Variants in ACTR1B observed in about 807,000 individuals in gnomAD.
The protein encoded by ACTR1B is actin related protein 1B.
ACTR1B carries 34 observed loss-of-function variants against 49.4 expected under a neutral mutation model. The observed-to-expected ratio is 0.69, with a 90% CI of 0.52 to 0.92. ACTR1B has a LOEUF of 0.92. Among genes scored for constraint, ACTR1B ranks in the 40% least tolerant of loss-of-function variants. The probability of loss-of-function intolerance (pLI) is 0.00; values close to 1 mark genes in which losing one functional copy is unlikely to be tolerated. For missense variants in ACTR1B, 471 were observed against 522.4 expected (o/e 0.90, Z 0.96); for synonymous variants, 207 against 207.8 (o/e 1.00, Z 0.03).
rs775868878 is a variant in ACTR1B at position 97,659,457 on chromosome 2, G to C, written c.210C>G (p.Thr70=). 6.2e-7 allele frequency: 1 copy of C among 1,613,844 alleles called. No homozygotes were observed. The highest frequency in any genetic ancestry group is 8.5e-7 in the Non-Finnish European group (1 of 1,179,970). Residue 70 remains threonine, a synonymous_variant, in exon 4 of 11, where the codon ACC becomes ACG. Transcript: ENST00000289228. The surrounding 1 kb of genome is among the most constrained non-coding windows in gnomAD (Gnocchi z 4.0). Reference sequence around the variant, plus strand: ...CGCCGTGCTCCATGGGGTAGCGGATGGTCAGCAGCCCCCGGTGCTCCTGGT... The same window carrying C: ...CGCCGTGCTCCATGGGGTAGCGGATCGTCAGCAGCCCCCGGTGCTCCTGGT... ...PKAEEHRGLL[T]IRYPMEHGVV... is the part of the protein sequence containing the mutation.
intron 1 of ACTR1B, among the ~76,000 whole-genome samples, chr2:97,663,421 A>G (rs1675081123): frequency 6.6e-6 from 1 of 152,232 alleles, no homozygotes; most frequent in Non-Finnish European, 1.5e-5. Context: ...AGATAAAGCC[A>G]GCAGTGTGCA....
chr2:97,661,501 G>A (rs1452892268), intron 2 of ACTR1B, among the ~76,000 whole-genome samples: 2 of 152,172 alleles, frequency 1.3e-5, no homozygotes, highest in East Asian at 1.9e-4. Context: ...AAACAAGCCC[G>A]GCAGAAAACA....
Position 97,661,934 on chromosome 2 carries a change from T to C in ACTR1B, c.61A>G (p.Ile21Val). 6.3e-7 allele frequency: 1 copy of C among 1,593,884 alleles called. No homozygotes were observed. The highest frequency in any genetic ancestry group is 8.6e-7 in the Non-Finnish European group (1 of 1,168,440). ...TGGTCTCCTGCAAAGCCAGCTTTAA[T>C]CACCCCCGAACCCTGCAAGGAAAAA... ...PVVIDNGSGV[I>V]KAGFAGDQIP... Residue 21 changes from isoleucine to valine, a missense_variant, in exon 2 of 11, where the codon ATT (isoleucine) becomes GTT (valine). Coordinates refer to ENST00000289228, the MANE Select transcript of ACTR1B (RefSeq NM_005735.4).
chr2:97,663,823 C>G lies in ACTR1B; in HGVS notation c.48+20G>C. The G allele has an allele frequency of 2.9e-6, 4 of 1,386,542 alleles. No individual in the cohort carries two copies. Among genetic ancestry groups the G allele is most frequent in the Non-Finnish European group, 3.8e-6 (4 of 1,053,412 alleles). The allele number at this position is 1,386,542 out of a possible 1,614,324, so 85.9% of individuals were successfully genotyped here. On this transcript the variant is annotated intron_variant, in intron 1 of 10. Transcript: ENST00000289228. ...CCCGGGGGCGGGGCGCCCGCCCTCC[C>G]CCTGGCTGCCGGGCCTCACGTTGTC...
chr2:97,659,515 T>A lies in ACTR1B; in HGVS notation c.190-38A>T. On this transcript the variant is annotated intron_variant, in intron 3 of 10. Coordinates refer to ENST00000289228, the MANE Select transcript of ACTR1B (RefSeq NM_005735.4). The surrounding 1 kb of genome is among the most constrained non-coding windows in gnomAD (Gnocchi z 4.0). ...GAAGGGAGGTGTGGCACCCGGCCCT[T>A]GCTCAGCGGCTGCTTTCCGCCCTCC... 1 of 1,609,110 alleles carries A rather than the reference T, an allele frequency of 6.2e-7. No homozygotes were observed. The highest frequency in any genetic ancestry group is 1.3e-5 in the African/African-American group (1 of 74,954).
rs757683513 is a variant in ACTR1B, at chr2:97,658,855, A to G, written c.440+24T>C. Reference sequence around the variant, plus strand: ...GGCACAGGGAGGACAGGACTCAGGGAGGCCAGGCTTAGGGAGCACTCACAG... The same window carrying G: ...GGCACAGGGAGGACAGGACTCAGGGGGGCCAGGCTTAGGGAGCACTCACAG... On this transcript the variant is annotated intron_variant, in intron 5 of 10. Transcript: ENST00000289228. The surrounding 1 kb of genome is among the most constrained non-coding windows in gnomAD (Gnocchi z 5.9). The G allele has an allele frequency of 6.2e-7, 1 of 1,613,954 alleles. No homozygotes were observed. Among genetic ancestry groups the G allele is most frequent in the East Asian group, 2.2e-5 (1 of 44,858 alleles).
Position 97,657,980 on chromosome 2 carries a change from G to A in ACTR1B, c.888C>T (p.Ala296=), listed in dbSNP as rs762732953. 71 of 1,614,078 alleles carry A rather than the reference G, an allele frequency of 4.4e-5. No individual in the cohort carries two copies. The highest frequency in any genetic ancestry group is 5.9e-5 in the Non-Finnish European group (70 of 1,180,050). The change falls in exon 8 of 11, where the codon GCC becomes GCT. Residue 296 remains alanine, a synonymous_variant. Coordinates refer to ENST00000289228, the MANE Select transcript of ACTR1B (RefSeq NM_005735.4). ...SDMDLRRTLF[A]NIVLSGGSTL... Reference sequence around the variant, plus strand: ...TTGAGCCACCTGAGAGCACGATGTTGGCGAACAGCGTCCGGCGCAGGTCCA... The same window carrying A: ...TTGAGCCACCTGAGAGCACGATGTTAGCGAACAGCGTCCGGCGCAGGTCCA...
At chr2:97,657,215 T>A in intron 9 of ACTR1B, 23 bp from the exon 10 acceptor site, 1 of 1,610,890 alleles carries the variant, frequency 6.2e-7, no homozygotes, top group Non-Finnish European at 8.5e-7. Flanking sequence ...AGTGGCCACG[T>A]TAACTGTGGA....
At chr2:97,660,112 C>G (rs538783968) in intron 3 of ACTR1B, among the ~76,000 whole-genome samples, 1 of 152,290 alleles carries the variant, frequency 6.6e-6, no homozygotes, top group East Asian at 1.9e-4. Flanking sequence ...GCCCCACGCC[C>G]CGGCACCCGA....
At chr2:97,660,445 C>T (rs1208046295) in intron 3 of ACTR1B, 126 bp downstream of exon 3, 11 of 920,144 alleles carry the variant, frequency 1.2e-5, no homozygotes, top group East Asian at 9.8e-5. Flanking sequence ...TGCCCCTGCA[C>T]AGCACTTCCC....
intron 2 of ACTR1B, among the ~76,000 whole-genome samples, 200 bp from the exon 3 acceptor site, chr2:97,660,846 G>A (rs889770533): frequency 1.3e-5 from 2 of 152,174 alleles, no homozygotes; most frequent in African/African-American, 4.8e-5. Context: ...GAAGCTCAGG[G>A]TCAGAAGGCA....
Position 97,658,185 on chromosome 2 carries a change from G to C in ACTR1B, c.750+39C>G. 6.2e-7 allele frequency: 1 copy of C among 1,613,298 alleles called. No homozygotes were observed. The highest frequency in any genetic ancestry group is 1.1e-5 in the South Asian group (1 of 91,076). ...CGGGCTACCCCTTCCCCCAGGCTGGGCATCGGCTGCCACTCCAGTGCCAGG... is the reference window on the plus strand; with the variant it reads ...CGGGCTACCCCTTCCCCCAGGCTGGCCATCGGCTGCCACTCCAGTGCCAGG... On this transcript the variant is annotated intron_variant, in intron 7 of 10. Coordinates refer to ENST00000289228, the MANE Select transcript of ACTR1B (RefSeq NM_005735.4). This position sits in a 1 kb window ranked among gnomAD's most constrained non-coding sequence, Gnocchi z 5.9.
In ACTR1B at chr2:97,658,808, C is replaced by G; in HGVS notation, c.440+71G>C. ...GGGCTGTTTTTCCAGGGAAGTCAGA[C>G]CCTGGTCATGGCAAGCAGGACGGCA... On this transcript the variant is annotated intron_variant, in intron 5 of 10. Coordinates refer to ENST00000289228, the MANE Select transcript of ACTR1B (RefSeq NM_005735.4). The surrounding 1 kb of genome is among the most constrained non-coding windows in gnomAD (Gnocchi z 5.9). 6.2e-7 allele frequency: 1 copy of G among 1,608,830 alleles called. No homozygotes were observed. Among genetic ancestry groups the G allele is most frequent in the South Asian group, 1.1e-5 (1 of 90,814 alleles).
chr2:97,659,780 C>T lies in ACTR1B; in HGVS notation c.190-303G>A, dbSNP rs1341702629. 2 of 455,292 alleles carry T rather than the reference C, an allele frequency of 4.4e-6. No individual in the cohort carries two copies. The highest frequency in any genetic ancestry group is 8.0e-6 in the Non-Finnish European group (2 of 250,542). 28.2% of individuals were successfully genotyped at this position (455,292 alleles called of 1,614,324 possible). ...CCCCATTCTCACTGCCGGCACATCC[C>T]CCACATTCTCCTCACACTCTGCCAG... On this transcript the variant is annotated intron_variant, in intron 3 of 10. Transcript: ENST00000289228. This position sits in a 1 kb window ranked among gnomAD's most constrained non-coding sequence, Gnocchi z 4.0.
Position 97,659,754 on chromosome 2 carries a change from T to C in ACTR1B, c.190-277A>G. The C allele has an allele frequency of 2.0e-6, 1 of 505,648 alleles. No individual in the cohort carries two copies. The highest frequency in any genetic ancestry group is 2.4e-5 in the South Asian group (1 of 41,004). The allele number at this position is 505,648 out of a possible 1,614,324, so 31.3% of individuals were successfully genotyped here. ...CCCCGCAATCTGCAGGCTCTCTTCTTCCCCATTCTCACTGCCGGCACATCC... is the reference window on the plus strand; with the variant it reads ...CCCCGCAATCTGCAGGCTCTCTTCTCCCCCATTCTCACTGCCGGCACATCC... On this transcript the variant is annotated intron_variant, in intron 3 of 10. Transcript: ENST00000289228. This position sits in a 1 kb window ranked among gnomAD's most constrained non-coding sequence, Gnocchi z 4.0.
At chr2:97,657,214 G>C (rs375198348) in intron 9 of ACTR1B, 22 bp from the exon 10 acceptor site, 8 of 1,610,596 alleles carry the variant, frequency 5.0e-6, no homozygotes, top group Non-Finnish European at 6.8e-6. Context: ...AAGTGGCCAC[G>C]TTAACTGTGG....
At position 97,658,858 on chromosome 2, in the gene ACTR1B, C is replaced by G; in HGVS notation, c.440+21G>C. On this transcript the variant is annotated intron_variant, in intron 5 of 10. Transcript: ENST00000289228. The surrounding 1 kb of genome is among the most constrained non-coding windows in gnomAD (Gnocchi z 5.9). ...ACAGGGAGGACAGGACTCAGGGAGGCCAGGCTTAGGGAGCACTCACAGACT... is the reference window on the plus strand; with the variant it reads ...ACAGGGAGGACAGGACTCAGGGAGGGCAGGCTTAGGGAGCACTCACAGACT... The G allele has an allele frequency of 2.5e-6, 4 of 1,613,866 alleles. No homozygotes were observed. The highest frequency in any genetic ancestry group is 3.4e-6 in the Non-Finnish European group (4 of 1,179,954).
In ACTR1B at chr2:97,658,054, T is replaced by G. The variant is rs1347150465; in HGVS notation, c.814A>C (p.Ser272Arg). The change falls in exon 8 of 11, where the codon AGT becomes CGT. Residue 272 changes from serine (S) to arginine (R), a missense_variant. Transcript: ENST00000289228. The surrounding 1 kb of genome is among the most constrained non-coding windows in gnomAD (Gnocchi z 5.9). ...GCCACCACCTCATGGAGCCCCTCAC[T>G]CTCATCCCCGACAAGGTCCGGCTGG... ...LFQPDLVGDE[S>R]EGLHEVVAFA... 2 of 1,614,088 alleles carry G rather than the reference T, an allele frequency of 1.2e-6. No individual in the cohort carries two copies. Among genetic ancestry groups the G allele is most frequent in the Non-Finnish European group, 8.5e-7 (1 of 1,179,996 alleles).
chr2:97,657,908 TC>T (rs1433266349), intron 8 of ACTR1B, 34 bp downstream of exon 8: 2 of 1,605,768 alleles, frequency 1.2e-6, no homozygotes, highest in African/African-American at 2.7e-5. Context: ...GCCCTGGGCC[TC>T]GTCTCACCAC....
Sources: allele counts gnomAD v4.1 joint callset (sites outside exome capture counted in the v4.1 genomes callset), GRCh38; gene constraint gnomAD v4.1.1; non-coding constraint Gnocchi (gnomAD v3.1); transcripts MANE v1.5; gene names NCBI Gene and HGNC (gene_info 2026-07-23, HGNC 2026-07-21).